SLC9A8: variants seen among roughly 807,000 people sequenced by gnomAD.
SLC9A8 encodes solute carrier family 9 member A8.
A neutral mutation model predicts 66.6 loss-of-function variants in SLC9A8; 48 were observed. The observed-to-expected ratio is 0.72, with a 90% CI of 0.57 to 0.92. SLC9A8 has a LOEUF of 0.92. SLC9A8 is among the 40% of genes least tolerant of loss of function. The pLI is 0.00. For missense variants in SLC9A8, 599 were observed against 747.3 expected, an observed-to-expected ratio of 0.80 and a Z score of 2.31; for synonymous variants, 274 against 282.6, an observed-to-expected ratio of 0.97 and a Z score of 0.31.
chr20:49,830,220 A>G, intron 3 of SLC9A8: 1 of 855,736 alleles, frequency 1.2e-6, no homozygotes. Context: ...TGGCAGCATC[A>G]CAGACAAAAA....
intron 1 of SLC9A8, among the ~76,000 whole-genome samples, chr20:49,814,770 C>A (rs939392785): frequency 6.6e-6 from 1 of 152,148 alleles, no homozygotes; most frequent in Non-Finnish European, 1.5e-5. Context: ...TATACTAGCT[C>A]TGATTCCCTA....
chr20:49,829,687 C>T, intron 3 of SLC9A8: 2 of 475,446 alleles, frequency 4.2e-6, no homozygotes, highest in South Asian at 1.8e-5. Flanking sequence ...GCGGTGGATG[C>T]CGCCAAAGAG....
At chr20:49,879,987 G>A (rs140979167) in intron 12 of SLC9A8, among the ~76,000 whole-genome samples, 2 of 151,994 alleles carry the variant, frequency 1.3e-5, no homozygotes, top group East Asian at 1.9e-4. Context: ...TAGGCTGGGT[G>A]CAGTGGCTCA....
intron 12 of SLC9A8, among the ~76,000 whole-genome samples, chr20:49,879,483 T>C (rs190817145): frequency 1.3e-5 from 2 of 152,356 alleles, no homozygotes; most frequent in Admixed American, 1.3e-4. Context: ...ATAATGCATG[T>C]AAAATGATTA....
chr20:49,880,562 G>A (rs907558039), intron 12 of SLC9A8, among the ~76,000 whole-genome samples: 1 of 152,148 alleles, frequency 6.6e-6, no homozygotes, highest in African/African-American at 2.4e-5. Context: ...GGGCACCTTG[G>A]GAGTCAGGTT....
intron 3 of SLC9A8, among the ~76,000 whole-genome samples, chr20:49,824,461 A>G (rs1485926702): frequency 6.6e-6 from 1 of 152,254 alleles, no homozygotes; most frequent in Non-Finnish European, 1.5e-5. Context: ...AAAGGCTCTA[A>G]GAACTACTCC....
intron 2 of SLC9A8, among the ~76,000 whole-genome samples, chr20:49,816,030 A>G (rs1262604736): frequency 6.6e-6 from 1 of 152,210 alleles, no homozygotes; most frequent in Non-Finnish European, 1.5e-5. Flanking sequence ...TGTCATTCTC[A>G]TTAACCATGG....
At chr20:49,856,820 CAAAAA>C (rs143064218) in intron 8 of SLC9A8, among the ~76,000 whole-genome samples, 1 of 99,186 alleles carries the variant, frequency 1.0e-5, no homozygotes. Context: ...GACTCCGTCT[CAAAAA>C]AAAAAAAAAA....
At chr20:49,883,749 TG>T in intron 13 of SLC9A8, 96 bp from the exon 14 acceptor site, 1 of 916,256 alleles carries the variant, frequency 1.1e-6, no homozygotes, top group Non-Finnish European at 1.7e-6. Flanking sequence ...AATAGTCAGC[TG>T]GTCGTGGTGC....
chr20:49,814,938 G>C (rs1011397370), intron 1 of SLC9A8, 70 bp from the exon 2 acceptor site: 50 of 1,246,792 alleles, frequency 4.0e-5, no homozygotes, highest in Middle Eastern at 2.1e-4. Flanking sequence ...TCTCTTTCTG[G>C]TGTGAGGTGT....
intron 13 of SLC9A8, among the ~76,000 whole-genome samples, chr20:49,881,498 A>C (rs1296462712): frequency 6.6e-6 from 1 of 152,250 alleles, no homozygotes; most frequent in African/African-American, 2.4e-5. Flanking sequence ...GTTGCTATTT[A>C]ATCACTTTTT....
rs187857758 is a variant in SLC9A8, at chr20:49,855,931, C to T, written c.713+350C>T. Among the ~76,000 whole-genome samples the T allele has an allele frequency of 2.0e-3, 305 of 152,174 alleles. 1 individual carries two copies. The highest frequency in any genetic ancestry group is 7.0e-3 in the African/African-American group (292 of 41,522). On this transcript the variant is annotated intron_variant, in intron 8 of 15. Coordinates refer to ENST00000361573, the MANE Select transcript of SLC9A8 (RefSeq NM_015266.3). ...CAGCCTCCCGAGTAGCTGGGACTTACAGGCACGTGCCATCACGCCCAGCTA... is the reference window on the plus strand; with the variant it reads ...CAGCCTCCCGAGTAGCTGGGACTTATAGGCACGTGCCATCACGCCCAGCTA...
intron 14 of SLC9A8, 123 bp downstream of exon 14, chr20:49,884,189 CCACACACACGA>C: frequency 1.7e-6 from 1 of 596,814 alleles, no homozygotes; most frequent in East Asian, 3.5e-5. Context: ...CCCAGCACCT[CCACACACACGA>C]CACACACACA....
Position 49,848,969 on chromosome 20 carries a change from T to C in SLC9A8, c.433-610T>C, listed in dbSNP as rs113208266. Among the ~76,000 whole-genome samples, 1,205 of 152,252 alleles carry C rather than the reference T, an allele frequency of 7.9e-3. 20 individuals carry two copies. The highest frequency in any genetic ancestry group is 0.028 in the African/African-American group (1,152 of 41,550). The stretch of plus-strand genomic sequence containing the variant: ...GCCTCATGGGAAAGTAAGACATCAG[T>C]ACATAAATAAGTGCAAAATTGCAGT... On this transcript the variant is annotated intron_variant, in intron 5 of 15. Transcript: ENST00000361573.
At chr20:49,830,860 C>T in intron 3 of SLC9A8, 1 of 1,436,076 alleles carries the variant, frequency 7.0e-7, no homozygotes, top group Non-Finnish European at 9.8e-7. Flanking sequence ...GGACAGTTGG[C>T]CAGCATCTTC....
intron 10 of SLC9A8, 89 bp downstream of exon 10, chr20:49,864,933 C>A: frequency 1.2e-6 from 1 of 828,014 alleles, no homozygotes. Flanking sequence ...CACTTTTAGT[C>A]ACAAGAGACA....
chr20:49,863,153 G>T, intron 9 of SLC9A8, 86 bp downstream of exon 9: 1 of 1,264,546 alleles, frequency 7.9e-7, no homozygotes, highest in Non-Finnish European at 1.1e-6. Flanking sequence ...TTTTTTAAGG[G>T]GGCCAATTTT....
Position 49,877,946 on chromosome 20 carries a change from T to A in SLC9A8, c.1076-35T>A, listed in dbSNP as rs781164256. The A allele has an allele frequency of 2.1e-6, 3 of 1,431,334 alleles. No homozygotes were observed. In the East Asian group the frequency reaches 7.0e-5, roughly 33 times the overall value. 88.7% of individuals were successfully genotyped at this position (1,431,334 alleles called of 1,614,324 possible). A position where few individuals can be genotyped will look rare whatever the true frequency, so the allele number is the denominator to read the frequency against. On this transcript the variant is annotated intron_variant, in intron 11 of 15. Transcript: ENST00000361573. The stretch of plus-strand genomic sequence containing the variant: ...TAGTACCATATTGGAATGAAATCAT[T>A]GGGGTTGAATAATCCATTCTTTGGT...
At chr20:49,885,349 AG>A (rs2089852221) in intron 14 of SLC9A8, among the ~76,000 whole-genome samples, 1 of 152,168 alleles carries the variant, frequency 6.6e-6, no homozygotes, top group Admixed American at 6.5e-5. Flanking sequence ...TTTTTGAGAC[AG>A]GGTCTCACTC....
Sources: gnomAD v4.1 joint callset for allele counts (sites outside exome capture counted in the v4.1 genomes callset) on GRCh38, gnomAD v4.1.1 for gene constraint, MANE v1.5 for transcripts, NCBI Gene and HGNC (gene_info 2026-07-23, HGNC 2026-07-21) for gene names.